The following ACYP2 variants were observed in gnomAD, a reference collection of about 807,000 sequenced individuals.
ACYP2 encodes acylphosphatase-2.
In ACYP2, 12 loss-of-function variants were observed where a neutral mutation model predicts 11.2. That is an observed-to-expected ratio of 1.08 (90% CI 0.69 to 1.74). The LOEUF is 1.74. Ranked by LOEUF, ACYP2 falls within the 40% of genes most tolerant of loss-of-function variation. ACYP2 has a pLI of 0.00. For missense variants in ACYP2, 134 were observed against 101.9 expected, an observed-to-expected ratio of 1.31 and a Z score of -1.35; for synonymous variants, 43 against 32.2, an observed-to-expected ratio of 1.33 and a Z score of -1.13.
At chr2:54,063,163 A>G (rs1382205838) in intron 4 of ACYP2, among the ~76,000 whole-genome samples, 2 of 151,982 alleles carry the variant, frequency 1.3e-5, no homozygotes, top group Non-Finnish European at 2.9e-5. Context: ...ATTCTCTTTA[A>G]AAAATAGAGT....
At chr2:54,074,551 G>A (rs1677224320) in intron 4 of ACYP2, among the ~76,000 whole-genome samples, 2 of 150,984 alleles carry the variant, frequency 1.3e-5, no homozygotes, top group South Asian at 2.1e-4. Context: ...TTTATGGTAT[G>A]TTAATTATAT....
chr2:53,983,337 C>G (rs1472229607), intron 2 of ACYP2, among the ~76,000 whole-genome samples: 1 of 152,114 alleles, frequency 6.6e-6, no homozygotes, highest in East Asian at 1.9e-4. Context: ...GAAACCCCAT[C>G]TCTACAAAAT....
chr2:54,273,864 C>G (rs1419926396), intron 6 of ACYP2, among the ~76,000 whole-genome samples: 7 of 152,194 alleles, frequency 4.6e-5, no homozygotes, highest in Non-Finnish European at 1.0e-4. Context: ...GAGGGAAGAC[C>G]TATACTACCA....
At chr2:54,203,052 T>C (rs1254438865) in intron 6 of ACYP2, among the ~76,000 whole-genome samples, 1 of 152,142 alleles carries the variant, frequency 6.6e-6, no homozygotes, top group Non-Finnish European at 1.5e-5. Flanking sequence ...ATAGATCAAC[T>C]TTGGGAGTAT....
chr2:54,063,285 C>CATA (rs1349282398), intron 4 of ACYP2, among the ~76,000 whole-genome samples: 1 of 152,086 alleles, frequency 6.6e-6, no homozygotes, highest in Non-Finnish European at 1.5e-5. Flanking sequence ...TGCACCTGGC[C>CATA]ATAATAATAA....
intron 6 of ACYP2, among the ~76,000 whole-genome samples, chr2:54,290,510 A>G (rs1057153025): frequency 8.0e-5 from 12 of 150,244 alleles, no homozygotes; most frequent in African/African-American, 2.8e-4. Flanking sequence ...AGCGTATGTA[A>G]AACAAGAGCA....
intron 6 of ACYP2, among the ~76,000 whole-genome samples, chr2:54,186,746 T>G (rs535554944): frequency 2.4e-4 from 37 of 152,284 alleles, no homozygotes; most frequent in African/African-American, 8.2e-4. Flanking sequence ...ATTCCTGACC[T>G]CAGGTGATCC....
Position 54,118,474 on chromosome 2 carries a change from G to A in ACYP2, c.278-16979G>A, listed in dbSNP as rs184579720. On this transcript the variant is annotated intron_variant, in intron 4 of 6. Transcript: ENST00000607452. ...GCATGTCTTATTCCTGTTTTAACAAGGACAAAACAGGTGCACAGAGATTCA... is the reference window on the plus strand; with the variant it reads ...GCATGTCTTATTCCTGTTTTAACAAAGACAAAACAGGTGCACAGAGATTCA... Among the ~76,000 whole-genome samples, 397 of 152,292 alleles carry A rather than the reference G, an allele frequency of 2.6e-3. 1 individual carries two copies. Among genetic ancestry groups the A allele is most frequent in the African/African-American group, 7.9e-3 (330 of 41,544 alleles).
intron 4 of ACYP2, among the ~76,000 whole-genome samples, chr2:54,130,980 G>T (rs1374651401): frequency 3.9e-5 from 6 of 152,108 alleles, no homozygotes; most frequent in Non-Finnish European, 8.8e-5. Context: ...TAGGCTTATG[G>T]ATTTTACAGC....
chr2:53,997,219 A>G (rs186808291), intron 2 of ACYP2, among the ~76,000 whole-genome samples: 156 of 152,370 alleles, frequency 1.0e-3, no homozygotes, highest in Admixed American at 4.2e-3. Context: ...TATGGTAGGT[A>G]TACTATAGTA....
At chr2:53,993,962 G>A (rs1264114173) in intron 2 of ACYP2, among the ~76,000 whole-genome samples, 1 of 152,132 alleles carries the variant, frequency 6.6e-6, no homozygotes, top group African/African-American at 2.4e-5. Flanking sequence ...GAGGAGGGTG[G>A]ATCACCAGGT....
chr2:54,086,013 G>C (rs139676558), intron 4 of ACYP2, among the ~76,000 whole-genome samples: 8 of 152,086 alleles, frequency 5.3e-5, no homozygotes, highest in Middle Eastern at 3.4e-3. Flanking sequence ...GCGCAGTCTC[G>C]GCTCACTGCA....
intron 6 of ACYP2, among the ~76,000 whole-genome samples, chr2:54,178,765 T>C (rs1444247839): frequency 6.6e-6 from 1 of 152,160 alleles, no homozygotes; most frequent in Non-Finnish European, 1.5e-5. Context: ...AGCACCATAA[T>C]TGAAAACACT....
intron 6 of ACYP2, among the ~76,000 whole-genome samples, chr2:54,175,076 A>G (rs1214020467): frequency 2.6e-5 from 4 of 152,100 alleles, no homozygotes; most frequent in South Asian, 2.1e-4. Flanking sequence ...CTCTTTTTCT[A>G]TTGATTAGAA....
intron 6 of ACYP2, among the ~76,000 whole-genome samples, chr2:54,169,031 A>G (rs1207274647): frequency 6.6e-6 from 1 of 152,234 alleles, no homozygotes; most frequent in Non-Finnish European, 1.5e-5. Flanking sequence ...CCAAAGAACC[A>G]ATCAGGAGTG....
chr2:54,111,086 G>A (rs1679436718), intron 4 of ACYP2, among the ~76,000 whole-genome samples: 1 of 151,798 alleles, frequency 6.6e-6, no homozygotes, highest in Non-Finnish European at 1.5e-5. Flanking sequence ...GTCTCTTTCA[G>A]CAGAAAGAGG....
intron 6 of ACYP2, among the ~76,000 whole-genome samples, chr2:54,298,933 G>C (rs575591860): frequency 2.0e-5 from 3 of 151,956 alleles, no homozygotes; most frequent in African/African-American, 7.2e-5. Flanking sequence ...TTTATTTTTT[G>C]GCAGAGATGG....
chr2:54,192,687 A>T (rs1283656349), intron 6 of ACYP2, among the ~76,000 whole-genome samples: 1 of 152,184 alleles, frequency 6.6e-6, no homozygotes, highest in Non-Finnish European at 1.5e-5. Context: ...CTGTTCTCAC[A>T]CTGCTATAAA....
At chr2:54,003,778 G>A (rs922058524) in intron 2 of ACYP2, among the ~76,000 whole-genome samples, 1 of 152,120 alleles carries the variant, frequency 6.6e-6, no homozygotes, top group Admixed American at 6.6e-5. Context: ...TGGATTGTAT[G>A]GTAAGAGTAT....
Sources: gnomAD v4.1 joint callset for allele counts (sites outside exome capture counted in the v4.1 genomes callset) on GRCh38, gnomAD v4.1.1 for gene constraint, MANE v1.5 for transcripts, NCBI Gene and HGNC (gene_info 2026-07-23, HGNC 2026-07-21) for gene names.